Variants in PRKG1 observed in about 807,000 individuals in gnomAD.
PRKG1 encodes cGMP-dependent protein kinase 1.
A neutral mutation model predicts 88.1 loss-of-function variants in PRKG1; 35 were observed. That is an observed-to-expected ratio of 0.40 (90% CI 0.30 to 0.53). PRKG1 has a LOEUF of 0.53. PRKG1 is among the 20% of genes least tolerant of loss of function. The probability of loss-of-function intolerance (pLI) is 0.59; values close to 1 mark genes in which losing one functional copy is unlikely to be tolerated. For synonymous variants in PRKG1, 303 were observed against 292.5 expected (o/e 1.04, Z -0.37); for missense variants, 540 against 839.8 (o/e 0.64, Z 4.41).
intron 2 of PRKG1, among the ~76,000 whole-genome samples, chr10:51,423,854 A>G (rs1838491312): frequency 6.6e-6 from 1 of 152,126 alleles, no homozygotes; most frequent in Non-Finnish European, 1.5e-5. Context: ...TTAGAAATAA[A>G]TGAATAGTAG....
intron 2 of PRKG1, among the ~76,000 whole-genome samples, chr10:51,430,015 G>A (rs1422523810): frequency 6.6e-6 from 1 of 151,550 alleles, no homozygotes; most frequent in African/African-American, 2.4e-5. Context: ...ACACATTCAA[G>A]TATCTTAACA....
intron 3 of PRKG1, among the ~76,000 whole-genome samples, chr10:51,586,721 G>A (rs1838183183): frequency 6.6e-6 from 1 of 152,074 alleles, no homozygotes; most frequent in Non-Finnish European, 1.5e-5. Context: ...GAGTATCTGT[G>A]CTATTTTTCC....
chr10:51,902,984 A>G lies in PRKG1; in HGVS notation c.699-4523A>G, dbSNP rs117676172. 1.8e-4 allele frequency among the ~76,000 whole-genome samples: 28 copies of G among 152,342 alleles called. 1 individual carries two copies. The East Asian group carries it at 5.4e-3, about 29-fold the overall frequency. On this transcript the variant is annotated intron_variant, in intron 4 of 17. Coordinates refer to ENST00000373980, the MANE Select transcript of PRKG1 (RefSeq NM_006258.4). ...CTGCTGCATGTAATTATGTTATTCT[A>G]TATGTGCTCCCAATTTTTGTTTTTA...
chr10:51,917,045 C>T (rs960590574), intron 5 of PRKG1, among the ~76,000 whole-genome samples: 17 of 151,928 alleles, frequency 1.1e-4, no homozygotes, highest in African/African-American at 2.9e-4. Context: ...GGGCTGGGCA[C>T]GGTGGCTCAT....
intron 9 of PRKG1, among the ~76,000 whole-genome samples, chr10:52,167,238 G>T (rs1838505429): frequency 6.6e-6 from 1 of 151,974 alleles, no homozygotes; most frequent in African/African-American, 2.4e-5. Context: ...TGAAGAGAAA[G>T]GGATCAAGGG....
chr10:51,029,764 G>T (rs148891142), intron 1 of PRKG1, among the ~76,000 whole-genome samples: 15 of 152,046 alleles, frequency 9.9e-5, no homozygotes, highest in Admixed American at 2.6e-4. Flanking sequence ...AAATGAAATC[G>T]TGGCTTTGAT....
intron 4 of PRKG1, among the ~76,000 whole-genome samples, chr10:51,854,885 C>A (rs536537227): frequency 6.6e-6 from 1 of 152,016 alleles, no homozygotes; most frequent in Non-Finnish European, 1.5e-5. Flanking sequence ...GAAGGACTTG[C>A]GCCCACCAGC....
At chr10:52,062,430 T>A in intron 6 of PRKG1, 107 bp from the exon 7 acceptor site, 2 of 669,860 alleles carry the variant, frequency 3.0e-6, no homozygotes, top group East Asian at 6.6e-5. Flanking sequence ...TTTTTCTTTA[T>A]AAAAATAAGA....
At chr10:52,279,197 A>G (rs1841944399) in intron 12 of PRKG1, among the ~76,000 whole-genome samples, 1 of 152,170 alleles carries the variant, frequency 6.6e-6, no homozygotes, top group Admixed American at 6.5e-5. Flanking sequence ...CTTTGGAACT[A>G]CATACAATTA....
intron 10 of PRKG1, 147 bp from the exon 11 acceptor site, chr10:52,271,203 C>T (rs921545426): frequency 2.2e-5 from 17 of 784,060 alleles, no homozygotes; most frequent in East Asian, 5.5e-5. Flanking sequence ...GGATGTTAAA[C>T]GCAGCTCTAC....
intron 12 of PRKG1, among the ~76,000 whole-genome samples, chr10:52,272,888 C>T (rs1179187842): frequency 6.6e-6 from 1 of 151,892 alleles, no homozygotes; most frequent in Non-Finnish European, 1.5e-5. Flanking sequence ...GGCAGTTTGC[C>T]TTTTGTGACA....
intron 3 of PRKG1, among the ~76,000 whole-genome samples, chr10:51,779,154 G>A (rs764528390): frequency 9.9e-5 from 15 of 152,170 alleles, no homozygotes; most frequent in Admixed American, 1.3e-4. Context: ...TCTGAATACC[G>A]TTTTTCATTC....
intron 8 of PRKG1, among the ~76,000 whole-genome samples, chr10:52,136,088 C>A (rs1041987123): frequency 2.0e-5 from 3 of 152,038 alleles, no homozygotes; most frequent in East Asian, 3.9e-4. Context: ...GGGCAATAGG[C>A]TTAGTAACCT....
intron 3 of PRKG1, chr10:51,697,615 G>C (rs1841332925): frequency 7.7e-7 from 1 of 1,297,602 alleles, no homozygotes; most frequent in Non-Finnish European, 1.1e-6. Flanking sequence ...CCAAGTGTGG[G>C]GATACAGAAG....
At chr10:51,925,039 A>G (rs923583337) in intron 5 of PRKG1, among the ~76,000 whole-genome samples, 13 of 151,162 alleles carry the variant, frequency 8.6e-5, no homozygotes, top group South Asian at 2.1e-4. Flanking sequence ...TCTGCCATAC[A>G]TGGTTTTGGT....
chr10:51,247,627 C>T (rs1175796628), intron 2 of PRKG1, among the ~76,000 whole-genome samples: 1 of 151,916 alleles, frequency 6.6e-6, no homozygotes, highest in Non-Finnish European at 1.5e-5. Context: ...ATTCCCAAAT[C>T]CTCAGGGGCC....
chr10:51,714,319 T>G (rs747264233), intron 3 of PRKG1, among the ~76,000 whole-genome samples: 1 of 152,178 alleles, frequency 6.6e-6, no homozygotes, highest in African/African-American at 2.4e-5. Context: ...CTTACCATAT[T>G]GGATGACCAT....
At chr10:51,456,372 A>T (rs1049760955) in intron 2 of PRKG1, among the ~76,000 whole-genome samples, 2 of 152,220 alleles carry the variant, frequency 1.3e-5, no homozygotes, top group African/African-American at 4.8e-5. Flanking sequence ...TGGTGCTGGG[A>T]TAATTGTCAA....
chr10:51,005,812 T>C (rs1842935192), intron 1 of PRKG1, among the ~76,000 whole-genome samples: 1 of 152,202 alleles, frequency 6.6e-6, no homozygotes, highest in Non-Finnish European at 1.5e-5. Context: ...GCAGGGATCA[T>C]TGACAGTTGT....
Sources: gnomAD v4.1 joint callset for allele counts (sites outside exome capture counted in the v4.1 genomes callset) on GRCh38, gnomAD v4.1.1 for gene constraint, MANE v1.5 for transcripts, NCBI Gene and HGNC (gene_info 2026-07-23, HGNC 2026-07-21) for gene names.